LMF2: variants seen among roughly 807,000 people sequenced by gnomAD.
LMF2 encodes the protein transmembrane protein 112B.
Under a neutral mutation model 81.5 loss-of-function variants are expected in LMF2, and 113 were observed. The observed-to-expected ratio is 1.39, with a 90% confidence interval of 1.19 to 1.62. The LOEUF is 1.62. LMF2 is among the 40% of genes most tolerant of loss of function. The probability of loss-of-function intolerance (pLI) is 0.00; values close to 1 mark genes in which losing one functional copy is unlikely to be tolerated. For missense variants in LMF2, 1,235 were observed against 929.1 expected (o/e 1.33, Z -4.28); for synonymous variants, 645 against 424.5 (o/e 1.52, Z -6.39).
chr22:50,507,532 C>A (rs1332270546), intron 1 of LMF2, 50 bp downstream of exon 1: 1 of 1,351,200 alleles, frequency 7.4e-7, no homozygotes, highest in Non-Finnish European at 1.0e-6. Context: ...GAAAAGAGGA[C>A]ATAGGGTCCC....
In LMF2 at chr22:50,506,802, C is replaced by A. The variant is rs563389789; in HGVS notation, c.328G>T (p.Ala110Ser). 3 of 1,611,944 alleles carry A rather than the reference C, an allele frequency of 1.9e-6. No individual in the cohort carries two copies. The highest frequency in any genetic ancestry group is 1.3e-5 in the African/African-American group (1 of 74,974). Residue 110 changes from alanine (A) to serine (S), a missense_variant, in exon 2 of 14, where the codon GCC becomes TCC. Transcript: ENST00000474879. ...CTTGCCTGGCAGGCTGACAGGTAGG[C>A]GGCCCAAAGCAGCAAGTAGATGACA... ...HPVIYLLLWA[A>S]YLSACQVGQV... is the part of the protein sequence containing the mutation.
In LMF2 at chr22:50,506,893, C is replaced by T. The variant is rs751357791; in HGVS notation, c.237G>A (p.Glu79=). Residue 79 remains glutamate (E), a synonymous_variant, in exon 2 of 14, where the codon GAG becomes GAA. Transcript: ENST00000474879. ...CTAGTGCACCCAGCAGGCTCAGCAGCTCCAGGCCCTGGGCCGTGTCCAGCC... is the reference window on the plus strand; with the variant it reads ...CTAGTGCACCCAGCAGGCTCAGCAGTTCCAGGCCCTGGGCCGTGTCCAGCC... The part of the protein sequence containing the change: ...RLGLDTAQGL[E]LLSLLGALVA... The T allele has an allele frequency of 1.9e-6, 3 of 1,584,658 alleles. No homozygotes were observed. The highest frequency in any genetic ancestry group is 1.7e-6 in the Non-Finnish European group (2 of 1,166,512).
chr22:50,507,391 T>G (rs1308367592), intron 1 of LMF2, 191 bp downstream of exon 1: 1 of 636,398 alleles, frequency 1.6e-6, no homozygotes, highest in African/African-American at 1.8e-5. Context: ...TCCAGAGCCT[T>G]ACGGGAAATG....
At position 50,504,686 on chromosome 22, in the gene LMF2, C is replaced by T. The variant is rs113603657; in HGVS notation, c.1479G>A (p.Pro493=). The T allele has an allele frequency of 1.1e-3, 1,708 of 1,609,380 alleles. 23 individuals are homozygous for T. In the African/African-American group the frequency reaches 0.02, roughly 19 times the overall value. Residue 493 remains proline (P), a synonymous_variant, in exon 11 of 14, where the codon CCG becomes CCA. Transcript: ENST00000474879. ...GCTGGTGGGGCACCACAACCGGGGG[C>T]GGCCGGCTCAGGTTCCCAGGCTTGT... ...FMYKPGNLSR[P]PPVVVPHQPR...
At position 50,504,356 on chromosome 22, in the gene LMF2, G is replaced by A; in HGVS notation, c.1702C>T (p.Gln568Ter). ...CAGCCTTACCCCTGCTCCCCAGGCT[G>A]GGAGAACCAGTACTTGTAGCGCTGG... is the stretch of plus-strand genomic sequence containing the variant. ...RAQRYKYWFS[Q>*]PGEQGQWWRR... The change falls in exon 12 of 14, where the codon CAG becomes TAG. Residue 568 changes from glutamine to a stop codon, truncating the protein, a stop_gained. Transcript: ENST00000474879. LOFTEE classifies it high-confidence loss of function. The A allele has an allele frequency of 6.2e-7, 1 of 1,611,572 alleles. No individual in the cohort carries two copies. Among genetic ancestry groups the A allele is most frequent in the Non-Finnish European group, 8.5e-7 (1 of 1,179,334 alleles).
Position 50,505,143 on chromosome 22 carries a change from C to T in LMF2, c.1168G>A (p.Val390Met). ...CTGAGCTTCCGTAGCCAGCCCCGCA[C>T]CTGGGTCCACCTGTGGGCAAGGACC... ...LLSALWRWTQ[V>M]RGWLRKLSAV... Residue 390 changes from valine to methionine, a missense_variant, in exon 9 of 14, where the codon GTG (valine) becomes ATG (methionine). Physicochemically the swap from Val to Met is conservative, Grantham distance 21. Coordinates refer to ENST00000474879, the MANE Select transcript of LMF2 (RefSeq NM_033200.3). 1 of 1,612,956 alleles carries T rather than the reference C, an allele frequency of 6.2e-7. No individual in the cohort carries two copies.
intron 3 of LMF2, 41 bp downstream of exon 3, chr22:50,506,597 C>T (rs747919096): frequency 1.9e-6 from 3 of 1,604,020 alleles, no homozygotes; most frequent in African/African-American, 2.7e-5. Flanking sequence ...CCCCCACCCC[C>T]TACCCAGCCT....
rs773216669 is a variant in LMF2, at chr22:50,506,990, C to T, written c.140G>A (p.Arg47Gln). 1.4e-5 allele frequency: 23 copies of T among 1,594,528 alleles called. No individual in the cohort carries two copies. The East Asian group carries it at 2.9e-4, about 20-fold the overall frequency. ...CTGCCAGCGCCCCTTGCCCTGAGGC[C>T]GCAGCGTCCTCCTTGCAGGTAGGAT... The part of the protein sequence containing the change: ...EGILPARRTL[R>Q]PQGKGRWQQL... The change falls in exon 2 of 14, where the codon CGG (arginine) becomes CAG (glutamine). Residue 47 changes from arginine to glutamine, a missense_variant. Coordinates refer to ENST00000474879, the MANE Select transcript of LMF2 (RefSeq NM_033200.3).
In LMF2 at chr22:50,506,789, G is replaced by A; in HGVS notation, c.341C>T (p.Ala114Val). The A allele has an allele frequency of 1.2e-6, 2 of 1,612,832 alleles. No homozygotes were observed. The highest frequency in any genetic ancestry group is 1.7e-6 in the Non-Finnish European group (2 of 1,179,592). ...YLLLWAAYLS[A>V]CQVGQVFLYF... ...GTCACAGGTCCCACTTGCCTGGCAG[G>A]CTGACAGGTAGGCGGCCCAAAGCAG... is the stretch of plus-strand genomic sequence containing the variant. The change falls in exon 2 of 14, where the codon GCC (alanine) becomes GTC (valine). Residue 114 changes from alanine to valine, a missense_variant. Physicochemically the swap from Ala to Val is moderately conservative, Grantham distance 64. Transcript: ENST00000474879.
Position 50,507,663 on chromosome 22 carries a change from G to GGGAGCCC in LMF2, c.6_12dup (p.Arg5GlyfsTer234). The stretch of plus-strand genomic sequence containing the variant: ...TGGAGGAAGAGCTGCCGCGGGAGCC[G>GGGAGCCC]GGAGCCCGCCATGTCCGCTACGCGG... On this transcript the variant is annotated frameshift_variant, in exon 1 of 14. Transcript: ENST00000474879. LOFTEE classifies it high-confidence loss of function. 1 of 1,550,280 alleles carries GGGAGCCC rather than the reference G, an allele frequency of 6.5e-7. No homozygotes were observed. The highest frequency in any genetic ancestry group is 2.0e-5 in the Admixed American group (1 of 51,006).
rs11704799 is a variant in LMF2, at chr22:50,505,973, C to T, written c.774+62G>A. 9 of 1,556,998 alleles carry T rather than the reference C, an allele frequency of 5.8e-6. No individual in the cohort carries two copies. In the East Asian group the frequency reaches 2.1e-4, roughly 37 times the overall value. ...GCCACGCTGTCCCCAACAGGGCACG[C>T]TGAGCAGCGCTGAAGGCCGAGCCCT... On this transcript the variant is annotated intron_variant, in intron 5 of 13. Transcript: ENST00000474879.
At position 50,506,777 on chromosome 22, in the gene LMF2, C is replaced by T; in HGVS notation, c.348+5G>A. On this transcript the variant is annotated splice_donor_5th_base_variant and intron_variant, in intron 2 of 13. Transcript: ENST00000474879. ...TAGAGTGAGCTGGTCACAGGTCCCACTTGCCTGGCAGGCTGACAGGTAGGC... is the reference window on the plus strand; with the variant it reads ...TAGAGTGAGCTGGTCACAGGTCCCATTTGCCTGGCAGGCTGACAGGTAGGC... 6.2e-7 allele frequency: 1 copy of T among 1,612,848 alleles called. No individual in the cohort carries two copies. The highest frequency in any genetic ancestry group is 8.5e-7 in the Non-Finnish European group (1 of 1,179,542).
At position 50,505,548 on chromosome 22, in the gene LMF2, G is replaced by A. The variant is rs1204436777; in HGVS notation, c.917-11C>T. ...GGGCCTTGGGCCAGGCTGTGGGGCA[G>A]GACAGTCATGGGTCAGCAGAGGGTC... On this transcript the variant is annotated splice_polypyrimidine_tract_variant and intron_variant, in intron 6 of 13. Transcript: ENST00000474879. 5.0e-6 allele frequency: 8 copies of A among 1,612,196 alleles called. No homozygotes were observed. The East Asian group carries it at 6.7e-5, about 13-fold the overall frequency.
intron 2 of LMF2, 40 bp from the exon 3 acceptor site, chr22:50,506,706 G>A (rs370909816): frequency 6.2e-7 from 1 of 1,613,452 alleles, no homozygotes; most frequent in Non-Finnish European, 8.5e-7. Flanking sequence ...GTGTGTCTGT[G>A]GACTCAGGTA....
rs1352744373 is a variant in LMF2 at position 50,503,548 on chromosome 22, A to G, written c.1967T>C (p.Leu656Pro). The G allele has an allele frequency of 6.4e-7, 1 of 1,557,712 alleles. No individual in the cohort carries two copies. The highest frequency in any genetic ancestry group is 8.7e-7 in the Non-Finnish European group (1 of 1,155,052). The part of the protein sequence containing the change: ...VGAVRFVQAL[L>P]APCSLRSSPL... ...GGAGGACCGGAGAGAACAGGGTGCT[A>G]GCAGGGCTTGCACAAATCTGACAGC... Residue 656 changes from leucine to proline, a missense_variant, in exon 14 of 14, where the codon CTA becomes CCA. Transcript: ENST00000474879.
chr22:50,504,938 G>A lies in LMF2; in HGVS notation c.1301C>T (p.Thr434Ile). The A allele has an allele frequency of 6.2e-7, 1 of 1,607,520 alleles. No individual in the cohort carries two copies. Among genetic ancestry groups the A allele is most frequent in the Non-Finnish European group, 8.5e-7 (1 of 1,176,752 alleles). Residue 434 changes from threonine (T) to isoleucine (I), a missense_variant, in exon 10 of 14, where the codon ACC becomes ATC. Physicochemically the swap from Thr to Ile is moderately conservative, Grantham distance 89. Coordinates refer to ENST00000474879, the MANE Select transcript of LMF2 (RefSeq NM_033200.3). ...VEPGTHGRLWTGAHRLFGAVE... is the reference protein window; with the variant it reads ...VEPGTHGRLWIGAHRLFGAVE... ...GGCACCAAACAGGCGGTGGGCCCCGGTCCAGAGGCGCCCGTGGGTCCCGGG... is the reference window on the plus strand; with the variant it reads ...GGCACCAAACAGGCGGTGGGCCCCGATCCAGAGGCGCCCGTGGGTCCCGGG...
rs1417648689 is a variant in LMF2, at chr22:50,505,520, G to A, written c.934C>T (p.Leu312=). The A allele has an allele frequency of 1.2e-6, 2 of 1,612,550 alleles. No homozygotes were observed. Among genetic ancestry groups the A allele is most frequent in the South Asian group, 1.1e-5 (1 of 91,082 alleles). Residue 312 remains leucine, a synonymous_variant, in exon 7 of 14, where the codon CTG becomes TTG. Coordinates refer to ENST00000474879, the MANE Select transcript of LMF2 (RefSeq NM_033200.3). ...TCCAGCAGCAGCGACAGGGTGGCCA[G>A]CAGGGCCTTGGGCCAGGCTGTGGGG... The part of the protein sequence containing the change: ...KTATSWPKAL[L]ATLSLLLELA...
chr22:50,503,077 G>GGGGCCT lies in LMF2; in HGVS notation c.*308_*313dup, dbSNP rs2068448894. On this transcript the variant is annotated 3_prime_UTR_variant, in exon 14 of 14. Coordinates refer to ENST00000474879, the MANE Select transcript of LMF2 (RefSeq NM_033200.3). ...GAGTCAGCCTCTTCCCCTCTGGCACGGGGCCTAGGGTTGGGGGCTCTAGAC... is the reference window on the plus strand; with the variant it reads ...GAGTCAGCCTCTTCCCCTCTGGCACGGGGCCTGGGCCTAGGGTTGGGGGCTCTAGAC... The GGGGCCT allele has an allele frequency of 5.8e-6, 2 of 343,648 alleles. No homozygotes were observed. Among genetic ancestry groups the GGGGCCT allele is most frequent in the Non-Finnish European group, 1.1e-5 (2 of 188,828 alleles). 21.3% of individuals were successfully genotyped at this position (343,648 alleles called of 1,614,324 possible).
chr22:50,505,091 C>T lies in LMF2; in HGVS notation c.1220G>A (p.Gly407Asp), dbSNP rs550896134. Residue 407 changes from glycine (G) to aspartate (D), a missense_variant, in exon 9 of 14, where the codon GGC (glycine) becomes GAC (aspartate). Coordinates refer to ENST00000474879, the MANE Select transcript of LMF2 (RefSeq NM_033200.3). ...CAGGAACAAGGCCACGGTCGCAGTG[C>T]CCACAAGGGACAGTTGGACTACAGC... Reference protein sequence around the residue: ...LSAVVQLSLVGTATVALFLIS... With the variant: ...LSAVVQLSLVDTATVALFLIS... The T allele has an allele frequency of 1.9e-6, 3 of 1,612,978 alleles. No homozygotes were observed. Among genetic ancestry groups the T allele is most frequent in the Admixed American group, 1.7e-5 (1 of 60,032 alleles).
Sources: gnomAD v4.1 joint callset for allele counts on GRCh38, gnomAD v4.1.1 for gene constraint, MANE v1.5 for transcripts, NCBI Gene and HGNC (gene_info 2026-07-23, HGNC 2026-07-21) for gene names.